NCOA3: variants seen among roughly 807,000 people sequenced by gnomAD.
The protein encoded by NCOA3 is nuclear receptor coactivator 3, also known as CBP-interacting protein.
In NCOA3, 51 loss-of-function variants were observed where a neutral mutation model predicts 158.8. The ratio of observed to expected loss-of-function variants is 0.32; its 90% confidence interval spans 0.26 to 0.41. The LOEUF is 0.41. Ranked by LOEUF, NCOA3 falls within the 10% of genes least tolerant of loss-of-function variation. NCOA3 has a pLI of 1.00. For missense variants in NCOA3, 1,510 were observed against 1,746.6 expected (o/e 0.86, Z 2.41); for synonymous variants, 537 against 592.4 (o/e 0.91, Z 1.36).
At chr20:47,642,119 C>T in intron 16 of NCOA3, 94 bp from the exon 17 acceptor site, 1 of 896,930 alleles carries the variant, frequency 1.1e-6, no homozygotes, top group Non-Finnish European at 1.7e-6. Context: ...ATTTGAGTTA[C>T]TGTTCATTAA....
At chr20:47,554,343 G>C (rs563313200) in intron 1 of NCOA3, among the ~76,000 whole-genome samples, 120 of 152,042 alleles carry the variant, frequency 7.9e-4, no homozygotes, top group African/African-American at 2.7e-3. Context: ...CTCCCATTCT[G>C]TAGGTTGCCT....
chr20:47,508,443 A>G (rs1425565392), intron 1 of NCOA3, among the ~76,000 whole-genome samples: 1 of 152,250 alleles, frequency 6.6e-6, no homozygotes, highest in Non-Finnish European at 1.5e-5. Flanking sequence ...GTAGGCAGGA[A>G]GCCTGCAGTT....
intron 1 of NCOA3, among the ~76,000 whole-genome samples, chr20:47,579,019 T>G (rs900524243): frequency 6.6e-6 from 1 of 152,212 alleles, no homozygotes; most frequent in Admixed American, 6.5e-5. Flanking sequence ...TCAACTCCTC[T>G]CCCCAATTTT....
intron 2 of NCOA3, among the ~76,000 whole-genome samples, chr20:47,595,211 G>T (rs2085733521): frequency 6.6e-6 from 1 of 151,654 alleles, no homozygotes; most frequent in African/African-American, 2.4e-5. Context: ...CGATTCTGCT[G>T]CCTCAGCTCC....
Position 47,637,711 on chromosome 20 carries a change from A to G in NCOA3, c.2440A>G (p.Asn814Asp), listed in dbSNP as rs767328116. The G allele has an allele frequency of 1.2e-5, 19 of 1,612,454 alleles. No individual in the cohort carries two copies. The highest frequency in any genetic ancestry group is 1.7e-5 in the Admixed American group (1 of 59,932). Residue 814 changes from asparagine (N) to aspartate (D), a missense_variant, in exon 13 of 23, where the codon AAT becomes GAT. Physicochemically the swap from Asn to Asp is conservative, Grantham distance 23 (BLOSUM62 1). This residue lies in a region of NCOA3 where 1,017 missense variants were observed against 1,098.3 expected (regional missense o/e 0.93). Coordinates refer to ENST00000371998, the MANE Select transcript of NCOA3 (RefSeq NM_181659.3). Reference protein sequence around the residue: ...LGDLTSSDFYNNSISSNGSHL... With the variant: ...LGDLTSSDFYDNSISSNGSHL... ...TGATCTGACTAGTTCTGACTTTTAC[A>G]ATAATTCCATATCCTCAAATGGTAG...
intron 1 of NCOA3, among the ~76,000 whole-genome samples, chr20:47,533,957 C>A (rs1219247970): frequency 7.9e-5 from 12 of 151,898 alleles, no homozygotes; most frequent in Admixed American, 3.9e-4. Flanking sequence ...AAACAAAACA[C>A]AAAAAACCCA....
At chr20:47,620,579 C>T (rs551832504) in intron 2 of NCOA3, among the ~76,000 whole-genome samples, 50 of 152,318 alleles carry the variant, frequency 3.3e-4, no homozygotes, top group Non-Finnish European at 6.2e-4. Context: ...CATCCTTGCT[C>T]TGCCTGTCCC....
intron 2 of NCOA3, among the ~76,000 whole-genome samples, chr20:47,618,978 G>A (rs1197318758): frequency 6.6e-6 from 1 of 152,160 alleles, no homozygotes; most frequent in East Asian, 1.9e-4. Context: ...TATATCAACT[G>A]TAGAAGTAAA....
At chr20:47,637,070 T>G (rs1298979647) in intron 12 of NCOA3, among the ~76,000 whole-genome samples, 2 of 152,094 alleles carry the variant, frequency 1.3e-5, no homozygotes, top group African/African-American at 2.4e-5. Context: ...AAAAAAAAAC[T>G]TGTATTAAGC....
At chr20:47,558,820 C>CTTTTTTTTT (rs56997127) in intron 1 of NCOA3, among the ~76,000 whole-genome samples, 3 of 114,508 alleles carry the variant, frequency 2.6e-5, no homozygotes, top group East Asian at 2.6e-4. Context: ...ACTTTTTTCA[C>CTTTTTTTTT]TTTTTTTTTT....
In NCOA3 at chr20:47,655,215, A is replaced by G. The variant is rs1443256849; in HGVS notation, c.*1798A>G. 1.3e-5 allele frequency: 2 copies of G among 152,120 alleles called. No individual in the cohort carries two copies. Among genetic ancestry groups the G allele is most frequent in the Non-Finnish European group, 2.9e-5 (2 of 68,022 alleles). 9.4% of individuals were successfully genotyped at this position (152,120 alleles called of 1,614,324 possible). On this transcript the variant is annotated 3_prime_UTR_variant, in exon 23 of 23. Transcript: ENST00000371998. ...CCTCTCTTTGACACCTGTTTTAGTC[A>G]GTTGGGAGGAAGGGAAAAATCAAGT...
intron 1 of NCOA3, among the ~76,000 whole-genome samples, chr20:47,529,198 C>G (rs1283420664): frequency 6.7e-6 from 1 of 149,910 alleles, no homozygotes; most frequent in Non-Finnish European, 1.5e-5. Flanking sequence ...CATCTCAGCA[C>G]TGCAACCTCT....
chr20:47,508,071 A>G (rs925344444), intron 1 of NCOA3, among the ~76,000 whole-genome samples: 4 of 152,196 alleles, frequency 2.6e-5, no homozygotes, highest in African/African-American at 9.7e-5. Context: ...GATAGTAATG[A>G]TGTAGTTTTT....
intron 1 of NCOA3, among the ~76,000 whole-genome samples, chr20:47,557,766 C>T (rs1398358408): frequency 6.6e-6 from 1 of 152,086 alleles, no homozygotes. Flanking sequence ...TTGGACTTTT[C>T]AAATGAGTAT....
At chr20:47,648,789 T>TC (rs1030991987) in intron 18 of NCOA3, among the ~76,000 whole-genome samples, 4 of 152,274 alleles carry the variant, frequency 2.6e-5, no homozygotes, top group African/African-American at 9.6e-5. Flanking sequence ...TACTTTTTTT[T>TC]CCCCAGTGCC....
intron 1 of NCOA3, among the ~76,000 whole-genome samples, chr20:47,538,358 G>A (rs1270710429): frequency 5.9e-5 from 9 of 152,108 alleles, no homozygotes. Context: ...AATTTATTTG[G>A]GGTAGAGAGT....
At chr20:47,555,332 A>G (rs2084986351) in intron 1 of NCOA3, among the ~76,000 whole-genome samples, 1 of 152,202 alleles carries the variant, frequency 6.6e-6, no homozygotes. Context: ...GATCTAGAAA[A>G]AAGAATATTG....
chr20:47,577,795 C>T (rs1479973442), intron 1 of NCOA3, among the ~76,000 whole-genome samples: 1 of 152,078 alleles, frequency 6.6e-6, no homozygotes, highest in African/African-American at 2.4e-5. Context: ...TTTCAGAAGC[C>T]AAGGCGTCTG....
chr20:47,556,014 A>T (rs562923886), intron 1 of NCOA3, among the ~76,000 whole-genome samples: 22 of 148,756 alleles, frequency 1.5e-4, no homozygotes, highest in African/African-American at 4.5e-4. Flanking sequence ...GGCTCACTGC[A>T]ATCTCTGCCT....
Sources: gnomAD v4.1 joint callset for allele counts (sites outside exome capture counted in the v4.1 genomes callset) on GRCh38, gnomAD v4.1.1 for gene constraint, gnomAD v4.1.1 regional missense constraint, MANE v1.5 for transcripts, NCBI Gene and HGNC (gene_info 2026-07-23, HGNC 2026-07-21) for gene names.